DPP10: variants seen among roughly 807,000 people sequenced by gnomAD.
DPP10 encodes the protein dipeptidyl peptidase like 10.
DPP10 carries 33 observed loss-of-function variants against 120.9 expected under a neutral mutation model. The ratio of observed to expected loss-of-function variants is 0.27; its 90% CI spans 0.21 to 0.37. The LOEUF (loss-of-function observed/expected upper bound fraction) is 0.37. DPP10 is among the 10% of genes least tolerant of loss of function. The pLI, the probability that DPP10 is intolerant of heterozygous loss-of-function variation, is 1.00. For synonymous variants in DPP10, 337 were observed against 326.1 expected, an observed-to-expected ratio of 1.03 and a Z score of -0.36; for missense variants, 816 against 942.8, an observed-to-expected ratio of 0.87 and a Z score of 1.76.
At chr2:115,340,801 C>A (rs2063406157) in intron 2 of DPP10, among the ~76,000 whole-genome samples, 1 of 151,642 alleles carries the variant, frequency 6.6e-6, no homozygotes, top group Non-Finnish European at 1.5e-5. Flanking sequence ...AGATAAGGAT[C>A]ATTTAAGTTT....
At chr2:114,878,580 T>C (rs988995892) in intron 1 of DPP10, among the ~76,000 whole-genome samples, 1 of 152,084 alleles carries the variant, frequency 6.6e-6, no homozygotes, top group African/African-American at 2.4e-5. Flanking sequence ...TTCATCATCC[T>C]TAGCCCTTCA....
chr2:114,466,974 G>A (rs146007123), intron 1 of DPP10, among the ~76,000 whole-genome samples: 33 of 151,708 alleles, frequency 2.2e-4, no homozygotes, highest in East Asian at 9.8e-4. Context: ...CCCGGAAGGC[G>A]GAAGTCACAG....
intron 5 of DPP10, among the ~76,000 whole-genome samples, chr2:115,645,568 C>A (rs1360784611): frequency 6.6e-6 from 1 of 151,986 alleles, no homozygotes; most frequent in East Asian, 1.9e-4. Flanking sequence ...TAGTAATTTG[C>A]CTGAAATTGA....
intron 19 of DPP10, among the ~76,000 whole-genome samples, chr2:115,813,883 A>G (rs1179424672): frequency 6.6e-6 from 1 of 152,208 alleles, no homozygotes; most frequent in Admixed American, 6.5e-5. Context: ...AGGTTGCCCA[A>G]CTAACAATGG....
At chr2:115,654,386 C>T (rs1435163060) in intron 5 of DPP10, among the ~76,000 whole-genome samples, 3 of 151,744 alleles carry the variant, frequency 2.0e-5, no homozygotes, top group Admixed American at 6.6e-5. Context: ...TATTAAAATA[C>T]TGGAATGTCA....
At chr2:114,515,781 T>C (rs1480199956) in intron 1 of DPP10, among the ~76,000 whole-genome samples, 1 of 151,580 alleles carries the variant, frequency 6.6e-6, no homozygotes, top group East Asian at 1.9e-4. Flanking sequence ...TCCACAATTC[T>C]GTATAACATC....
Position 115,159,092 on chromosome 2 carries a change from T to C in DPP10, c.61-150147T>C, listed in dbSNP as rs116646017. Among the ~76,000 whole-genome samples the C allele has an allele frequency of 3.3e-3, 498 of 152,190 alleles. 2 individuals are homozygous for C. The highest frequency in any genetic ancestry group is 5.4e-3 in the Non-Finnish European group (364 of 68,016). On this transcript the variant is annotated intron_variant, in intron 1 of 25. Transcript: ENST00000410059. Reference sequence around the variant, plus strand: ...GCATTTGATTTATAACATCAACATATCATCACAAAAACTTAGAGAATGAGA... The same window carrying C: ...GCATTTGATTTATAACATCAACATACCATCACAAAAACTTAGAGAATGAGA...
At chr2:114,648,878 G>A (rs1696349309) in intron 1 of DPP10, among the ~76,000 whole-genome samples, 1 of 152,140 alleles carries the variant, frequency 6.6e-6, no homozygotes, top group South Asian at 2.1e-4. Context: ...AACTACTCTG[G>A]TTATCACAGA....
intron 1 of DPP10, among the ~76,000 whole-genome samples, chr2:114,458,575 G>T (rs969204724): frequency 6.6e-6 from 1 of 152,098 alleles, no homozygotes; most frequent in South Asian, 2.1e-4. Flanking sequence ...CTTTGGAATC[G>T]AACTGCCTCA....
At chr2:115,121,834 T>G (rs575478676) in intron 1 of DPP10, among the ~76,000 whole-genome samples, 237 of 152,252 alleles carry the variant, frequency 1.6e-3, no homozygotes, top group African/African-American at 5.2e-3. Context: ...CTAATTTGAG[T>G]ATTTCTTGTA....
At chr2:115,629,045 T>G (rs548220484) in intron 5 of DPP10, among the ~76,000 whole-genome samples, 2 of 152,116 alleles carry the variant, frequency 1.3e-5, no homozygotes, top group Non-Finnish European at 2.9e-5. Flanking sequence ...AATTCCCACC[T>G]ATGAGTGAGA....
chr2:115,583,661 C>G (rs903747819), intron 5 of DPP10, among the ~76,000 whole-genome samples: 1 of 152,172 alleles, frequency 6.6e-6, no homozygotes. Flanking sequence ...AGTAACACCA[C>G]TTCCACTATA....
At chr2:114,805,035 T>TA (rs1395807252) in intron 1 of DPP10, among the ~76,000 whole-genome samples, 2 of 152,194 alleles carry the variant, frequency 1.3e-5, no homozygotes, top group African/African-American at 4.8e-5. Context: ...TTTCCCGTGC[T>TA]ATTCTCATAA....
At chr2:114,504,209 C>T (rs1241006399) in intron 1 of DPP10, among the ~76,000 whole-genome samples, 3 of 152,184 alleles carry the variant, frequency 2.0e-5, no homozygotes, top group Non-Finnish European at 4.4e-5. Flanking sequence ...CTTCAATAGC[C>T]TTCTATTTAG....
rs540524857 is a variant in DPP10, at chr2:114,462,622, A to T, written c.60+19784A>T. Among the ~76,000 whole-genome samples, 39 of 152,290 alleles carry T rather than the reference A, an allele frequency of 2.6e-4. No individual in the cohort carries two copies. In the South Asian group the frequency reaches 8.1e-3, roughly 32 times the overall value. On this transcript the variant is annotated intron_variant, in intron 1 of 25. Coordinates refer to ENST00000410059, the MANE Select transcript of DPP10 (RefSeq NM_020868.6). ...ATCCTAACAAGGGTCTATGCTATCA[A>T]CGTGACTTATCACTGATGCTGTTAA...
At chr2:115,024,758 A>G (rs994192644) in intron 1 of DPP10, among the ~76,000 whole-genome samples, 23 of 147,930 alleles carry the variant, frequency 1.6e-4, no homozygotes, top group African/African-American at 5.6e-4. Context: ...ATTTATATAT[A>G]AATATGTATT....
intron 1 of DPP10, among the ~76,000 whole-genome samples, chr2:114,574,051 A>G (rs1037492805): frequency 6.6e-6 from 1 of 152,302 alleles, no homozygotes; most frequent in Non-Finnish European, 1.5e-5. Flanking sequence ...ATGGCATTTT[A>G]TTCCAAGTGG....
chr2:115,833,678 A>G (rs890583023), intron 21 of DPP10, among the ~76,000 whole-genome samples: 11 of 152,202 alleles, frequency 7.2e-5, no homozygotes, highest in Non-Finnish European at 1.2e-4. Flanking sequence ...CTGTTTCATG[A>G]ACAAAATTAC....
At chr2:115,664,845 T>C (rs2089315672) in intron 5 of DPP10, among the ~76,000 whole-genome samples, 1 of 134,278 alleles carries the variant, frequency 7.4e-6, no homozygotes, top group Admixed American at 7.3e-5. Flanking sequence ...TCTAAGCTTT[T>C]GCTGTTCAAC....
Sources: allele counts gnomAD v4.1 joint callset (sites outside exome capture counted in the v4.1 genomes callset), GRCh38; gene constraint gnomAD v4.1.1; transcripts MANE v1.5; gene names NCBI Gene and HGNC (gene_info 2026-07-23, HGNC 2026-07-21).